The following PRDM14 variants were observed in gnomAD, a reference collection of about 807,000 sequenced individuals.
PRDM14 encodes the protein PR domain zinc finger protein 14.
Under a neutral mutation model 48.0 loss-of-function variants are expected in PRDM14, and 16 were observed. The observed-to-expected ratio is 0.33, with a 90% CI of 0.23 to 0.51. PRDM14 has a LOEUF of 0.51. Among genes scored for constraint, PRDM14 ranks in the 20% least tolerant of loss-of-function variants. The probability of loss-of-function intolerance (pLI) is 0.97; values close to 1 mark genes in which losing one functional copy is unlikely to be tolerated. For synonymous variants in PRDM14, 264 were observed against 276.6 expected, an observed-to-expected ratio of 0.95 and a Z score of 0.45; for missense variants, 566 against 719.6, an observed-to-expected ratio of 0.79 and a Z score of 2.44.
chr8:70,051,771 T>TGG lies in PRDM14; in HGVS notation c.*305_*306insCC. 1 of 275,018 alleles carries TGG rather than the reference T, an allele frequency of 3.6e-6. No individual in the cohort carries two copies. The highest frequency in any genetic ancestry group is 6.9e-6 in the Non-Finnish European group (1 of 144,274). 17.0% of individuals were successfully genotyped at this position (275,018 alleles called of 1,614,324 possible). A position where few individuals can be genotyped will look rare whatever the true frequency, so the allele number is the denominator to read the frequency against. ...CACACTCTTGAGGGCTACTCATTTT[T>TGG]TTTGTTTTGTTTTGTTTTGAGACAG... On this transcript the variant is annotated 3_prime_UTR_variant, in exon 8 of 8. Coordinates refer to ENST00000276594, the MANE Select transcript of PRDM14 (RefSeq NM_024504.4).
chr8:70,064,100 G>A lies in PRDM14; in HGVS notation c.1183+2135C>T, dbSNP rs990345721. ...AATGAGGGCTTATGATGGTTCAGTG[G>A]CGGGGGGAACCCAGCATGGACATAA... On this transcript the variant is annotated intron_variant, in intron 5 of 7. Transcript: ENST00000276594. 2.0e-5 allele frequency among the ~76,000 whole-genome samples: 3 copies of A among 152,100 alleles called. 1 individual carries two copies. The South Asian group carries it at 6.2e-4, about 32-fold the overall frequency.
intron 5 of PRDM14, among the ~76,000 whole-genome samples, chr8:70,064,216 A>G (rs1339400583): frequency 2.0e-5 from 3 of 152,020 alleles, no homozygotes; most frequent in Non-Finnish European, 4.4e-5. Flanking sequence ...ATAAATAATG[A>G]CGGCTGACTG....
rs911026376 is a variant in PRDM14, at chr8:70,069,855, A to C, written c.6T>G (p.Ala2=). 36 of 1,597,320 alleles carry C rather than the reference A, an allele frequency of 2.3e-5. No homozygotes were observed. The highest frequency in any genetic ancestry group is 3.0e-5 in the Non-Finnish European group (35 of 1,171,976). The part of the protein sequence containing the change: M[A]LPRPSEAVPQ... ...GCACGGCCTCACTTGGCCGGGGTAG[A>C]GCCATCCCGGGACCGCACGCTCGGC... The change falls in exon 2 of 8, where the codon GCT becomes GCG. Residue 2 remains alanine (A), a synonymous_variant. Transcript: ENST00000276594.
At chr8:70,057,737 C>A (rs1351913338) in intron 6 of PRDM14, among the ~76,000 whole-genome samples, 3 of 152,086 alleles carry the variant, frequency 2.0e-5, no homozygotes, top group Non-Finnish European at 4.4e-5. Context: ...GTCTAATAAG[C>A]GAGAAATACC....
In PRDM14 at chr8:70,056,968, CTT is replaced by C. The variant is rs34066424; in HGVS notation, c.1387-1569_1387-1568del. Among the ~76,000 whole-genome samples, 666 of 137,906 alleles carry C rather than the reference CTT, an allele frequency of 4.8e-3. 3 individuals are homozygous for C. Among genetic ancestry groups the C allele is most frequent in the African/African-American group, 0.016 (607 of 37,088 alleles). The allele number at this position is 137,906 out of a possible 152,430, so 90.5% of individuals were successfully genotyped here. On this transcript the variant is annotated intron_variant, in intron 6 of 7. Coordinates refer to ENST00000276594, the MANE Select transcript of PRDM14 (RefSeq NM_024504.4). ...GGTTGACAGCCCTCCAGTTTCTTTT[CTT>C]TTTTTTTTTTTTTGAGACGGAGTCT...
chr8:70,065,385 G>A (rs913184672), intron 5 of PRDM14, among the ~76,000 whole-genome samples: 4 of 152,060 alleles, frequency 2.6e-5, no homozygotes, highest in Non-Finnish European at 5.9e-5. Flanking sequence ...AGTGTATATA[G>A]AAATCACTTG....
At chr8:70,070,239 T>C (rs1267034870) in intron 1 of PRDM14, among the ~76,000 whole-genome samples, 3 of 152,116 alleles carry the variant, frequency 2.0e-5, no homozygotes, top group African/African-American at 4.8e-5. Context: ...GCAAAACCCA[T>C]TGAAGTTCCC....
intron 6 of PRDM14, among the ~76,000 whole-genome samples, chr8:70,056,873 C>T (rs1195131262): frequency 6.7e-6 from 1 of 150,122 alleles, no homozygotes; most frequent in Non-Finnish European, 1.5e-5. Flanking sequence ...AGCACCTCGT[C>T]TGTTGAAGGG....
In PRDM14 at chr8:70,052,865, C is replaced by CAAAAAAAA. The variant is rs71275047; in HGVS notation, c.1489-569_1489-562dup. ...GGGTGACAGAGTGAGACTCTGTCTC[C>CAAAAAAAA]AAAAAAAAAAAAAAAAAAAAAAAAA... is the stretch of plus-strand genomic sequence containing the variant. On this transcript the variant is annotated intron_variant, in intron 7 of 7. Coordinates refer to ENST00000276594, the MANE Select transcript of PRDM14 (RefSeq NM_024504.4). Among the ~76,000 whole-genome samples, 4 of 24,326 alleles carry CAAAAAAAA rather than the reference C, an allele frequency of 1.6e-4. 2 individuals are homozygous for CAAAAAAAA. Among genetic ancestry groups the CAAAAAAAA allele is most frequent in the African/African-American group, 7.1e-4 (4 of 5,620 alleles). The allele number at this position is 24,326 out of a possible 152,430, so 16.0% of individuals were successfully genotyped here.
In PRDM14 at chr8:70,066,460, C is replaced by T. The variant is rs1474302429; in HGVS notation, c.958G>A (p.Gly320Ser). Residue 320 changes from glycine to serine, a missense_variant, in exon 5 of 8, where the codon GGT becomes AGT. By Grantham distance (56) the Gly-to-Ser change is moderately conservative. Transcript: ENST00000276594. The part of the protein sequence containing the change: ...HLSHFIDGKG[G>S]TGNWMSYVNC... The stretch of plus-strand genomic sequence containing the variant: ...ACATAGGACATCCAGTTCCCCGTAC[C>T]TCCTTTTCCATCTATAAAGTGGCTC... 3.1e-6 allele frequency: 5 copies of T among 1,613,942 alleles called. No individual in the cohort carries two copies. The highest frequency in any genetic ancestry group is 1.7e-5 in the Admixed American group (1 of 60,004).
intron 7 of PRDM14, among the ~76,000 whole-genome samples, chr8:70,055,085 A>T (rs1365668907): frequency 1.3e-5 from 2 of 152,238 alleles, no homozygotes; most frequent in African/African-American, 4.8e-5. Flanking sequence ...GTATTTTATT[A>T]CATGTACTCT....
Position 70,066,147 on chromosome 8 carries a change from G to C in PRDM14, c.1183+88C>G, listed in dbSNP as rs1458245606. 3 of 1,405,722 alleles carry C rather than the reference G, an allele frequency of 2.1e-6. No individual in the cohort carries two copies. The African/African-American group carries it at 4.3e-5, about 20-fold the overall frequency. The allele number at this position is 1,405,722 out of a possible 1,614,324, so 87.1% of individuals were successfully genotyped here. A position where few individuals can be genotyped will look rare whatever the true frequency, so the allele number is the denominator to read the frequency against. On this transcript the variant is annotated intron_variant, in intron 5 of 7. Transcript: ENST00000276594. ...GTCCTCTGCATTAGCCTTTAGGAGG[G>C]AGGAGCTGTGCATGGAGGGTTTGTG...
chr8:70,060,412 AAACAT>A (rs1004654581), intron 5 of PRDM14, among the ~76,000 whole-genome samples: 34 of 138,944 alleles, frequency 2.4e-4, no homozygotes, highest in African/African-American at 1.0e-3. Context: ...AAAAAAAAAA[AAACAT>A]AACCATAATG....
intron 7 of PRDM14, 55 bp downstream of exon 7, chr8:70,055,245 C>A: frequency 1.0e-6 from 1 of 981,938 alleles, no homozygotes; most frequent in South Asian, 1.5e-5. Context: ...AGTTCTTATC[C>A]ATAGACACTC....
rs1805737540 is a variant in PRDM14, at chr8:70,069,842, T to G, written c.19A>C (p.Ser7Arg). Residue 7 changes from serine to arginine, a missense_variant, in exon 2 of 8, where the codon AGT becomes CGT. By Grantham distance (110) the Ser-to-Arg change is moderately radical (BLOSUM62 -1). Around this residue, in one of 3 missense-constraint regions of PRDM14, gnomAD observed 410 missense variants for 424.6 expected, o/e 0.97. Coordinates refer to ENST00000276594, the MANE Select transcript of PRDM14 (RefSeq NM_024504.4). MALPRP[S>R]EAVPQDKVCY... ...ACCTTGTCCTGAGGCACGGCCTCAC[T>G]TGGCCGGGGTAGAGCCATCCCGGGA... 1 of 1,603,608 alleles carries G rather than the reference T, an allele frequency of 6.2e-7. No individual in the cohort carries two copies. Among genetic ancestry groups the G allele is most frequent in the African/African-American group, 1.3e-5 (1 of 74,778 alleles).
intron 5 of PRDM14, among the ~76,000 whole-genome samples, chr8:70,062,491 C>T (rs979367467): frequency 9.9e-5 from 15 of 152,076 alleles, no homozygotes; most frequent in African/African-American, 3.1e-4. Flanking sequence ...ACTTTATACA[C>T]ATAGCCTGAA....
chr8:70,061,452 A>G (rs927744730), intron 5 of PRDM14, among the ~76,000 whole-genome samples: 1 of 152,182 alleles, frequency 6.6e-6, no homozygotes, highest in East Asian at 1.9e-4. Flanking sequence ...GAAATAAACT[A>G]TTCATTAAGT....
At chr8:70,056,560 C>CA (rs1805475473) in intron 6 of PRDM14, among the ~76,000 whole-genome samples, 1 of 152,062 alleles carries the variant, frequency 6.6e-6, no homozygotes, top group Non-Finnish European at 1.5e-5. Flanking sequence ...CGGCCCACCG[C>CA]AACCTCTGCC....
Position 70,069,759 on chromosome 8 carries a change from C to T in PRDM14, c.102G>A (p.Pro34=). The T allele has an allele frequency of 6.2e-7, 1 of 1,608,400 alleles. No individual in the cohort carries two copies. Among genetic ancestry groups the T allele is most frequent in the South Asian group, 1.1e-5 (1 of 89,876 alleles). Residue 34 remains proline (P), a synonymous_variant, in exon 2 of 8, where the codon CCG becomes CCA. Coordinates refer to ENST00000276594, the MANE Select transcript of PRDM14 (RefSeq NM_024504.4). ...GGCTGTTTCTGTAGTGTCCATAGGA[C>T]GGGAAAGGCGTGTAGTACGCGGCCA... ...QNLAAYYTPF[P]SYGHYRNSLA...
Sources: allele counts gnomAD v4.1 joint callset (sites outside exome capture counted in the v4.1 genomes callset), GRCh38; gene constraint gnomAD v4.1.1; regional missense constraint gnomAD v4.1.1; transcripts MANE v1.5; gene names NCBI Gene and HGNC (gene_info 2026-07-23, HGNC 2026-07-21).